The following SGSM2 variants were observed in gnomAD, a reference collection of about 807,000 sequenced individuals.
SGSM2 encodes the protein small G protein signaling modulator 2, also known as RUN and TBC1 domain containing 1.
A neutral mutation model predicts 126.6 loss-of-function variants in SGSM2; 89 were observed. The observed-to-expected ratio is 0.70, with a 90% confidence interval of 0.59 to 0.84. SGSM2 has a LOEUF of 0.84. Among genes scored for constraint, SGSM2 ranks in the 40% least tolerant of loss-of-function variants. SGSM2 has a pLI of 0.00. For synonymous variants in SGSM2, 614 were observed against 574.3 expected, an observed-to-expected ratio of 1.07 and a Z score of -0.99; for missense variants, 1,404 against 1,416.6, an observed-to-expected ratio of 0.99 and a Z score of 0.14.
chr17:2,352,871 G>T (rs1325147811), intron 2 of SGSM2, among the ~76,000 whole-genome samples: 1 of 126,954 alleles, frequency 7.9e-6, no homozygotes. Flanking sequence ...TCTGCCTCCC[G>T]GGTTCACGCC....
Position 2,380,044 on chromosome 17 carries a change from G to T in SGSM2, c.*524G>T. ...TTAGGCACACGTCACGGGTGCGGGAGACCCGGGCACGGGAGACCCGGGCCG... is the reference window on the plus strand; with the variant it reads ...TTAGGCACACGTCACGGGTGCGGGATACCCGGGCACGGGAGACCCGGGCCG... On this transcript the variant is annotated 3_prime_UTR_variant, in exon 24 of 24. Coordinates refer to ENST00000268989, the MANE Select transcript of SGSM2 (RefSeq NM_014853.3). The T allele has an allele frequency of 7.2e-7, 1 of 1,395,254 alleles. No individual in the cohort carries two copies. Among genetic ancestry groups the T allele is most frequent in the Non-Finnish European group, 9.2e-7 (1 of 1,083,922 alleles). 86.4% of individuals were successfully genotyped at this position (1,395,254 alleles called of 1,614,324 possible).
chr17:2,341,811 C>T (rs1181782894), intron 1 of SGSM2, among the ~76,000 whole-genome samples: 1 of 152,150 alleles, frequency 6.6e-6, no homozygotes, highest in Non-Finnish European at 1.5e-5. Flanking sequence ...TTGGCAATAT[C>T]TAATAAAGTG....
At position 2,363,582 on chromosome 17, in the gene SGSM2, C is replaced by A; in HGVS notation, c.790C>A (p.His264Asn). The change falls in exon 7 of 24, where the codon CAC (histidine) becomes AAC (asparagine). Residue 264 changes from histidine (H) to asparagine (N), a missense_variant. By Grantham distance (68) the His-to-Asn change is moderately conservative. Coordinates refer to ENST00000268989, the MANE Select transcript of SGSM2 (RefSeq NM_014853.3). This position sits in a 1 kb window ranked among gnomAD's most constrained non-coding sequence, Gnocchi z 4.2. Reference sequence around the variant, plus strand: ...GACGCGGCTGCTCTATGGCAAGAACCACGTGCTGGTGCAGCCGGTAGGAAA... The same window carrying A: ...GACGCGGCTGCTCTATGGCAAGAACAACGTGCTGGTGCAGCCGGTAGGAAA... ...SRTRLLYGKN[H>N]VLVQPKEDME... 1 of 1,613,144 alleles carries A rather than the reference C, an allele frequency of 6.2e-7. No homozygotes were observed. The highest frequency in any genetic ancestry group is 8.5e-7 in the Non-Finnish European group (1 of 1,179,794).
chr17:2,366,976 T>G, intron 11 of SGSM2: 1 of 361,250 alleles, frequency 2.8e-6, no homozygotes, highest in Non-Finnish European at 5.1e-6. Flanking sequence ...TGCCAGCCCA[T>G]CCCAGACAGT....
At position 2,372,544 on chromosome 17, in the gene SGSM2, G is replaced by A. The variant is rs372021553; in HGVS notation, c.1788+56G>A. On this transcript the variant is annotated intron_variant, in intron 15 of 23. Coordinates refer to ENST00000268989, the MANE Select transcript of SGSM2 (RefSeq NM_014853.3). The surrounding 1 kb of genome is among the most constrained non-coding windows in gnomAD (Gnocchi z 6.0). ...TCGAGGGGCTGGGGCGGGCAGGAGT[G>A]AGGGCTTCAGGGTAAAATGTGCCAG... is the stretch of plus-strand genomic sequence containing the variant. 4 of 1,576,324 alleles carry A rather than the reference G, an allele frequency of 2.5e-6. No individual in the cohort carries two copies. The highest frequency in any genetic ancestry group is 1.4e-5 in the African/African-American group (1 of 73,878).
chr17:2,365,471 C>G, intron 11 of SGSM2, 130 bp downstream of exon 11: 1 of 1,087,288 alleles, frequency 9.2e-7, no homozygotes, highest in South Asian at 1.7e-5. Flanking sequence ...AGGCTCATCG[C>G]CTAGCCTCTC....
At chr17:2,369,837 C>G (rs530350410) in intron 12 of SGSM2, among the ~76,000 whole-genome samples, 1 of 152,284 alleles carries the variant, frequency 6.6e-6, no homozygotes, top group East Asian at 1.9e-4. Context: ...TGCACCTGCA[C>G]CCTCCCCTTC....
chr17:2,370,146 C>T (rs114311742), intron 12 of SGSM2, among the ~76,000 whole-genome samples: 4 of 152,352 alleles, frequency 2.6e-5, no homozygotes, highest in African/African-American at 9.6e-5. Flanking sequence ...CAGGCTGAGC[C>T]AGCCGAGCAA....
rs1396145624 is a variant in SGSM2 at position 2,380,600 on chromosome 17, G to C, written c.*1080G>C. The C allele has an allele frequency of 4.2e-6, 2 of 472,104 alleles. No individual in the cohort carries two copies. Among genetic ancestry groups the C allele is most frequent in the Non-Finnish European group, 7.7e-6 (2 of 258,816 alleles). 29.2% of individuals were successfully genotyped at this position (472,104 alleles called of 1,614,324 possible). A position where few individuals can be genotyped will look rare whatever the true frequency, so the allele number is the denominator to read the frequency against. On this transcript the variant is annotated 3_prime_UTR_variant, in exon 24 of 24. Coordinates refer to ENST00000268989, the MANE Select transcript of SGSM2 (RefSeq NM_014853.3). The stretch of plus-strand genomic sequence containing the variant: ...CCCTTGGAGGAGCTGTGTATGCGGG[G>C]GTGCCAGGAAGGGCATAGCTCCTGC...
Position 2,343,526 on chromosome 17 carries a change from G to A in SGSM2, c.58-19G>A. Reference sequence around the variant, plus strand: ...AAGGGAAAATAATAAAAGCAGTGATGCTGTCCATGTGTCCGCAGGTGAAGC... The same window carrying A: ...AAGGGAAAATAATAAAAGCAGTGATACTGTCCATGTGTCCGCAGGTGAAGC... On this transcript the variant is annotated intron_variant, in intron 1 of 23. Transcript: ENST00000268989. 1 of 1,613,248 alleles carries A rather than the reference G, an allele frequency of 6.2e-7. No homozygotes were observed. The highest frequency in any genetic ancestry group is 1.1e-5 in the South Asian group (1 of 91,062).
chr17:2,360,745 C>G (rs2065274028), intron 2 of SGSM2, among the ~76,000 whole-genome samples: 1 of 152,256 alleles, frequency 6.6e-6, no homozygotes, highest in African/African-American at 2.4e-5. Flanking sequence ...AAAAAACCAC[C>G]TCCTTCTCCC....
At chr17:2,359,419 T>C (rs2065220089) in intron 2 of SGSM2, among the ~76,000 whole-genome samples, 1 of 152,060 alleles carries the variant, frequency 6.6e-6, no homozygotes, top group African/African-American at 2.4e-5. Context: ...CCTAATGGCC[T>C]AACTGGTCTT....
chr17:2,369,206 G>A (rs1313656676), intron 12 of SGSM2, among the ~76,000 whole-genome samples: 4 of 152,176 alleles, frequency 2.6e-5, no homozygotes, highest in South Asian at 2.1e-4. Context: ...TGTTGAGTCC[G>A]TTCTGCCAGC....
In SGSM2 at chr17:2,379,972, T is replaced by C; in HGVS notation, c.*452T>C. ...AGGGTCCCTTTGCAGTCCCAGTATA[T>C]TGTGCGTGCACCAGCCCCAGCTGGA... On this transcript the variant is annotated 3_prime_UTR_variant, in exon 24 of 24. Transcript: ENST00000268989. 1.5e-6 allele frequency: 2 copies of C among 1,366,846 alleles called. No individual in the cohort carries two copies. The highest frequency in any genetic ancestry group is 2.8e-5 in the East Asian group (1 of 35,592). The allele number at this position is 1,366,846 out of a possible 1,614,324, so 84.7% of individuals were successfully genotyped here.
chr17:2,376,116 G>C (rs763645222), intron 18 of SGSM2, 21 bp from the exon 19 acceptor site: 1 of 1,613,922 alleles, frequency 6.2e-7, no homozygotes, highest in Non-Finnish European at 8.5e-7. Flanking sequence ...TCTCATGCCT[G>C]AGGGCCCTCC....
At chr17:2,358,706 G>A (rs888706056) in intron 2 of SGSM2, among the ~76,000 whole-genome samples, 17 of 132,028 alleles carry the variant, frequency 1.3e-4, no homozygotes, top group Admixed American at 1.1e-3. Context: ...AGTGAGACCC[G>A]GTCTCAAAAA....
intron 1 of SGSM2, among the ~76,000 whole-genome samples, chr17:2,341,723 G>C (rs1358616608): frequency 1.3e-5 from 2 of 152,236 alleles, no homozygotes; most frequent in East Asian, 3.8e-4. Context: ...CATCAACAGA[G>C]TTTGGGTTAA....
intron 2 of SGSM2, among the ~76,000 whole-genome samples, chr17:2,351,869 TG>T (rs1475233462): frequency 1.3e-5 from 2 of 152,206 alleles, no homozygotes; most frequent in Non-Finnish European, 2.9e-5. Flanking sequence ...TTTCTTGTTT[TG>T]GGGGTTGAGC....
At chr17:2,345,038 G>C (rs750102257) in intron 2 of SGSM2, among the ~76,000 whole-genome samples, 1 of 152,088 alleles carries the variant, frequency 6.6e-6, no homozygotes. Flanking sequence ...GGTTTCCCCA[G>C]TTCTTTGAGA....
Sources: gnomAD v4.1 joint callset for allele counts (sites outside exome capture counted in the v4.1 genomes callset) on GRCh38, gnomAD v4.1.1 for gene constraint, Gnocchi (gnomAD v3.1) non-coding constraint, MANE v1.5 for transcripts, NCBI Gene and HGNC (gene_info 2026-07-23, HGNC 2026-07-21) for gene names.